DLGAP1: variants seen among roughly 807,000 people sequenced by gnomAD.
DLGAP1 encodes the protein DLG associated protein 1.
In DLGAP1, 11 loss-of-function variants were observed where a neutral mutation model predicts 90.8. That is an observed-to-expected ratio of 0.12 (90% CI 0.08 to 0.20). The LOEUF (loss-of-function observed/expected upper bound fraction) is 0.20, where lower values mean the gene tolerates loss of function less well. Ranked by LOEUF, DLGAP1 falls within the 10% of genes least tolerant of loss-of-function variation. DLGAP1 has a pLI of 1.00. For synonymous variants in DLGAP1, 558 were observed against 540.7 expected (o/e 1.03, Z -0.44); for missense variants, 1,050 against 1,333.8 (o/e 0.79, Z 3.31).
At chr18:3,523,637 GGAGATC>G (rs1336959975) in intron 10 of DLGAP1, among the ~76,000 whole-genome samples, 1 of 151,854 alleles carries the variant, frequency 6.6e-6, no homozygotes, top group East Asian at 2.0e-4. Context: ...CACGAGGTCA[GGAGATC>G]GAGACCATCC....
intron 2 of DLGAP1, among the ~76,000 whole-genome samples, chr18:4,097,695 T>C (rs1199684138): frequency 6.6e-6 from 1 of 152,248 alleles, no homozygotes; most frequent in Non-Finnish European, 1.5e-5. Context: ...TTCTTGGTTC[T>C]ACTTTTGCTG....
At chr18:4,042,421 C>A (rs1304089058) in intron 2 of DLGAP1, among the ~76,000 whole-genome samples, 1 of 152,186 alleles carries the variant, frequency 6.6e-6, no homozygotes, top group Non-Finnish European at 1.5e-5. Context: ...CTAGAATTCA[C>A]AGGCAGTTAT....
intron 2 of DLGAP1, among the ~76,000 whole-genome samples, chr18:4,102,932 C>T (rs942278661): frequency 2.8e-4 from 43 of 152,200 alleles, no homozygotes; most frequent in African/African-American, 9.9e-4. Flanking sequence ...ATTCCCACTT[C>T]TCTCTCCCAT....
Position 3,582,115 on chromosome 18 carries a change from G to T in DLGAP1, c.1725C>A (p.Gly575=). The T allele has an allele frequency of 6.2e-7, 1 of 1,613,976 alleles. No homozygotes were observed. The highest frequency in any genetic ancestry group is 8.5e-7 in the Non-Finnish European group (1 of 1,180,006). ...ACTGGCTGATAATATCTCCTCGCTG[G>T]CCCTGTCCGTCCATGTAGGCATCCT... ...SAQDAYMDGQ[G]QRGDIISQSG... is the part of the protein sequence containing the mutation. Residue 575 remains glycine, a synonymous_variant, in exon 8 of 13, where the codon GGC becomes GGA. Coordinates refer to ENST00000315677, the MANE Select transcript of DLGAP1 (RefSeq NM_004746.4).
At chr18:4,376,278 T>C (rs753145423) in intron 1 of DLGAP1, among the ~76,000 whole-genome samples, 93 of 152,182 alleles carry the variant, frequency 6.1e-4, no homozygotes, top group Non-Finnish European at 1.0e-3. Flanking sequence ...TTTTGGCACA[T>C]ACTCCAGTTC....
At chr18:4,199,542 A>G (rs139729665) in intron 1 of DLGAP1, among the ~76,000 whole-genome samples, 1 of 152,322 alleles carries the variant, frequency 6.6e-6, no homozygotes, top group Admixed American at 6.5e-5. Flanking sequence ...ATCCATGTTA[A>G]TATCTTCTGG....
chr18:3,945,395 A>G (rs1178521676), intron 3 of DLGAP1, among the ~76,000 whole-genome samples: 1 of 152,212 alleles, frequency 6.6e-6, no homozygotes, highest in African/African-American at 2.4e-5. Context: ...ATCGTTCCAT[A>G]TTTGGTGTTT....
chr18:4,399,590 A>G (rs900186503), intron 1 of DLGAP1, among the ~76,000 whole-genome samples: 2 of 152,172 alleles, frequency 1.3e-5, no homozygotes, highest in Non-Finnish European at 2.9e-5. Flanking sequence ...CTTTTTCTCC[A>G]TCTTTCCTCA....
chr18:3,557,929 C>CAA (rs111430668), intron 9 of DLGAP1, among the ~76,000 whole-genome samples: 58 of 114,556 alleles, frequency 5.1e-4, no homozygotes, highest in Middle Eastern at 4.9e-3. Context: ...CTTCGTCTCA[C>CAA]AAAAAAAAAA....
intron 5 of DLGAP1, among the ~76,000 whole-genome samples, chr18:3,800,664 G>A (rs369802910): frequency 2.6e-4 from 39 of 151,186 alleles, no homozygotes; most frequent in African/African-American, 9.2e-4. Flanking sequence ...AGAGGGGAGG[G>A]GGACTTTAAC....
chr18:3,940,137 A>C (rs1383817175), intron 3 of DLGAP1, among the ~76,000 whole-genome samples: 1 of 152,224 alleles, frequency 6.6e-6, no homozygotes, highest in African/African-American at 2.4e-5. Context: ...GTTGTAAGGA[A>C]ACTCAAGCAG....
chr18:3,691,603 C>T (rs759008151), intron 7 of DLGAP1, among the ~76,000 whole-genome samples: 2 of 151,920 alleles, frequency 1.3e-5, no homozygotes, highest in Admixed American at 6.6e-5. Context: ...TATAATTCCA[C>T]CAAACATTTT....
intron 7 of DLGAP1, among the ~76,000 whole-genome samples, chr18:3,636,586 A>AT (rs34368710): frequency 2.2e-4 from 33 of 149,442 alleles, no homozygotes; most frequent in East Asian, 4.2e-4. Context: ...TAAATTTTGT[A>AT]TTTTTTTTTA....
intron 3 of DLGAP1, among the ~76,000 whole-genome samples, chr18:3,989,014 A>C (rs759399443): frequency 6.6e-5 from 10 of 152,166 alleles, no homozygotes; most frequent in Admixed American, 2.6e-4. Flanking sequence ...CAGGCATCAC[A>C]GGCCCGGCTG....
intron 2 of DLGAP1, among the ~76,000 whole-genome samples, chr18:4,094,092 A>G (rs1056747130): frequency 1.3e-5 from 2 of 152,144 alleles, no homozygotes; most frequent in African/African-American, 4.8e-5. Flanking sequence ...ATCCTTTATG[A>G]ATCAACCCAG....
At chr18:4,359,490 C>A (rs968315294) in intron 1 of DLGAP1, among the ~76,000 whole-genome samples, 1 of 152,190 alleles carries the variant, frequency 6.6e-6, no homozygotes, top group Non-Finnish European at 1.5e-5. Context: ...ACCTCTTCAT[C>A]AAACTTACAA....
At chr18:4,206,336 G>C (rs749000745) in intron 1 of DLGAP1, among the ~76,000 whole-genome samples, 2 of 152,090 alleles carry the variant, frequency 1.3e-5, no homozygotes, top group African/African-American at 2.4e-5. Context: ...GGAGAGTTGA[G>C]GTTGAAGTTT....
chr18:3,710,552 T>G (rs2061567232), intron 7 of DLGAP1, among the ~76,000 whole-genome samples: 1 of 152,258 alleles, frequency 6.6e-6, no homozygotes, highest in Non-Finnish European at 1.5e-5. Context: ...ACAGCCCTCT[T>G]TTACTTATTT....
intron 5 of DLGAP1, among the ~76,000 whole-genome samples, chr18:3,803,202 G>A (rs1034285711): frequency 6.6e-6 from 1 of 152,130 alleles, no homozygotes; most frequent in African/African-American, 2.4e-5. Context: ...ACCCCCCCTA[G>A]CATTGTGGAG....
Sources: gnomAD v4.1 joint callset for allele counts (sites outside exome capture counted in the v4.1 genomes callset) on GRCh38, gnomAD v4.1.1 for gene constraint, MANE v1.5 for transcripts, NCBI Gene and HGNC (gene_info 2026-07-23, HGNC 2026-07-21) for gene names.